Variants in ADCY9 observed in about 807,000 individuals in gnomAD.
The protein encoded by ADCY9 is adenylate cyclase type 9.
Under a neutral mutation model 101.5 loss-of-function variants are expected in ADCY9, and 50 were observed. The observed-to-expected ratio is 0.49, with a 90% CI of 0.39 to 0.62. ADCY9 has a LOEUF of 0.62. Among genes scored for constraint, ADCY9 ranks in the 20% least tolerant of loss-of-function variants. The pLI, the probability that ADCY9 is intolerant of heterozygous loss-of-function variation, is 0.00. For missense variants in ADCY9, 1,662 were observed against 1,800.4 expected (o/e 0.92, Z 1.39); for synonymous variants, 905 against 769.3 (o/e 1.18, Z -2.92).
chr16:4,000,636 A>G (rs978867366), intron 3 of ADCY9, among the ~76,000 whole-genome samples: 4 of 152,202 alleles, frequency 2.6e-5, no homozygotes, highest in South Asian at 2.1e-4. Flanking sequence ...AAGTCACCAC[A>G]TGAACACACA....
chr16:3,995,154 G>C (rs1271377934), intron 3 of ADCY9, among the ~76,000 whole-genome samples: 2 of 152,126 alleles, frequency 1.3e-5, no homozygotes, highest in Non-Finnish European at 2.9e-5. Context: ...AATGAAATTG[G>C]CTGGGTGTGG....
chr16:4,073,110 T>TC lies in ADCY9; in HGVS notation c.1693+40639_1693+40640insG, dbSNP rs572000500. On this transcript the variant is annotated intron_variant, in intron 2 of 10. Coordinates refer to ENST00000294016, the MANE Select transcript of ADCY9 (RefSeq NM_001116.4). ...ATTTTTCTTTAAACATTTTCTTTTT[T>TC]TTCAGAAAGAGTCTCACTCTATTGC... Among the ~76,000 whole-genome samples, 218 of 152,302 alleles carry TC rather than the reference T, an allele frequency of 1.4e-3. 1 individual carries two copies. The highest frequency in any genetic ancestry group is 5.0e-3 in the African/African-American group (207 of 41,550).
rs530420293 is a variant in ADCY9, at chr16:4,071,332, CAAAAAAAAAAAAAAAAAAA to C, written c.1693+42399_1693+42417del. 8.5e-5 allele frequency among the ~76,000 whole-genome samples: 6 copies of C among 70,524 alleles called. 1 individual carries two copies. Among genetic ancestry groups the C allele is most frequent in the Admixed American group, 2.1e-4 (1 of 4,678 alleles). 46.3% of individuals were successfully genotyped at this position (70,524 alleles called of 152,430 possible). On this transcript the variant is annotated intron_variant, in intron 2 of 10. Transcript: ENST00000294016. The stretch of plus-strand genomic sequence containing the variant: ...GGCAACAAAAGCGAAACTCAGTCTC[CAAAAAAAAAAAAAAAAAAA>C]AAAAAAAAAAAAATCAAAAAAGTTG...
At chr16:4,038,037 G>A (rs1195231247) in intron 2 of ADCY9, among the ~76,000 whole-genome samples, 1 of 152,214 alleles carries the variant, frequency 6.6e-6, no homozygotes, top group Non-Finnish European at 1.5e-5. Flanking sequence ...AGTTTGGGAG[G>A]CTGAGGTGGA....
chr16:4,027,032 C>A (rs931809866), intron 2 of ADCY9, among the ~76,000 whole-genome samples: 15 of 152,286 alleles, frequency 9.8e-5, no homozygotes, highest in African/African-American at 3.4e-4. Context: ...TCAGGTGTAA[C>A]GTTGCAACTT....
At chr16:3,979,653 G>T (rs1432287298) in intron 7 of ADCY9, among the ~76,000 whole-genome samples, 2 of 152,250 alleles carry the variant, frequency 1.3e-5, no homozygotes, top group South Asian at 2.1e-4. Context: ...TCTTGACGGG[G>T]GCAGCTTTGG....
chr16:3,958,558 A>G (rs928020560), downstream of ADCY9, among the ~76,000 whole-genome samples: 9 of 124,182 alleles, frequency 7.2e-5, no homozygotes, highest in South Asian at 2.7e-4. Flanking sequence ...AAAAAAAAAA[A>G]AAAAGAAAAA....
chr16:3,977,538 G>C lies in ADCY9; in HGVS notation c.2772C>G (p.Ala924=), dbSNP rs773524719. The C allele has an allele frequency of 6.2e-7, 1 of 1,602,396 alleles. No homozygotes were observed. The change falls in exon 9 of 11, where the codon GCC becomes GCG. Residue 924 remains alanine (A), a synonymous_variant. Coordinates refer to ENST00000294016, the MANE Select transcript of ADCY9 (RefSeq NM_001116.4). ...GCAGCGGCCCGGCCCCCACGACGGTGGCGAGGGAGGACCTCATCCAGGAGC... is the reference window on the plus strand; with the variant it reads ...GCAGCGGCCCGGCCCCCACGACGGTCGCGAGGGAGGACCTCATCCAGGAGC... ...QLSSWMRSSL[A]TVVGAGPLLL...
intron 2 of ADCY9, among the ~76,000 whole-genome samples, chr16:4,089,411 G>C (rs1014268359): frequency 3.9e-5 from 6 of 152,112 alleles, no homozygotes; most frequent in African/African-American, 1.4e-4. Flanking sequence ...AGGCTGAATC[G>C]TATGCTATCC....
At chr16:4,042,440 C>T (rs1176475924) in intron 2 of ADCY9, among the ~76,000 whole-genome samples, 1 of 152,110 alleles carries the variant, frequency 6.6e-6, no homozygotes, top group Non-Finnish European at 1.5e-5. Flanking sequence ...CAATTATTTA[C>T]AAAATGAATT....
At chr16:3,981,308 A>G (rs991079620) in intron 7 of ADCY9, among the ~76,000 whole-genome samples, 2 of 152,152 alleles carry the variant, frequency 1.3e-5, no homozygotes, top group Non-Finnish European at 1.5e-5. Context: ...GGAGCAGGGA[A>G]TAATAGCTAA....
At chr16:4,097,553 A>ATATATATATATTTT (rs1382458827) in intron 2 of ADCY9, among the ~76,000 whole-genome samples, 6 of 53,416 alleles carry the variant, frequency 1.1e-4, no homozygotes, top group African/African-American at 3.5e-4. Context: ...ATATATATAT[A>ATATATATATATTTT]TTTTTTTTTT....
rs770692766 is a variant in ADCY9, at chr16:3,993,456, C to T, written c.1939G>A (p.Gly647Arg). Residue 647 changes from glycine (G) to arginine (R), a missense_variant, in exon 4 of 11, where the codon GGA becomes AGA. Physicochemically the swap from Gly to Arg is moderately radical, Grantham distance 125. This residue lies in a region of ADCY9 where 624 missense variants were observed against 639.1 expected (regional missense o/e 0.98). Transcript: ENST00000294016. ...TGGCAGCCGTTTTGAGGTGCTCCTC[C>T]CTCGGCGCCGGCTTCAGATTTGGGA... ...FAPKSEAGAE[G>R]GAPQNGCQDE... 2.5e-6 allele frequency: 4 copies of T among 1,614,090 alleles called. No homozygotes were observed. The highest frequency in any genetic ancestry group is 1.3e-5 in the African/African-American group (1 of 74,950).
chr16:3,970,621 C>T (rs2056042855), intron 10 of ADCY9, among the ~76,000 whole-genome samples: 1 of 152,234 alleles, frequency 6.6e-6, no homozygotes, highest in Non-Finnish European at 1.5e-5. Context: ...AGCCACCATG[C>T]CCGGCCAAAA....
chr16:4,087,436 C>T (rs1002262033), intron 2 of ADCY9, among the ~76,000 whole-genome samples: 7 of 150,688 alleles, frequency 4.6e-5, no homozygotes, highest in Admixed American at 1.3e-4. Flanking sequence ...CTTGGGAGGC[C>T]GAGACATGAG....
chr16:3,998,218 A>G (rs1443269335), intron 3 of ADCY9, among the ~76,000 whole-genome samples: 2 of 151,996 alleles, frequency 1.3e-5, no homozygotes, highest in Non-Finnish European at 2.9e-5. Context: ...TGGGCAATGT[A>G]TCAAGACCCC....
At chr16:4,042,871 T>C (rs951746382) in intron 2 of ADCY9, among the ~76,000 whole-genome samples, 2 of 152,226 alleles carry the variant, frequency 1.3e-5, no homozygotes, top group East Asian at 1.9e-4. Context: ...TTATCAACTG[T>C]ATGATTTGGG....
intron 2 of ADCY9, among the ~76,000 whole-genome samples, chr16:4,102,982 A>C (rs2141201701): frequency 6.6e-6 from 1 of 152,362 alleles, no homozygotes; most frequent in Non-Finnish European, 1.5e-5. Context: ...TCGGCCTCCC[A>C]AAGCGCTGGT....
intron 2 of ADCY9, among the ~76,000 whole-genome samples, chr16:4,095,499 A>G (rs140455814): frequency 7.0e-4 from 106 of 152,284 alleles, no homozygotes; most frequent in Admixed American, 1.5e-3. Context: ...TCCAGGATTC[A>G]CTCAGTCCTA....
Sources: allele counts gnomAD v4.1 joint callset (sites outside exome capture counted in the v4.1 genomes callset), GRCh38; gene constraint gnomAD v4.1.1; regional missense constraint gnomAD v4.1.1; transcripts MANE v1.5; gene names NCBI Gene and HGNC (gene_info 2026-07-23, HGNC 2026-07-21).